Variants in CHID1 observed in about 807,000 individuals in gnomAD.
The protein encoded by CHID1 is chitinase domain-containing protein 1.
CHID1 carries 44 observed loss-of-function variants against 55.4 expected under a neutral mutation model. That is an observed-to-expected ratio of 0.79 (90% CI 0.62 to 1.02). The LOEUF is 1.02. Among genes scored for constraint, CHID1 ranks in the 50% least tolerant of loss-of-function variants. The pLI is 0.00. For missense variants in CHID1, 491 were observed against 515.3 expected (o/e 0.95, Z 0.46); for synonymous variants, 216 against 212.9 (o/e 1.01, Z -0.13).
At chr11:884,203 T>C in intron 8 of CHID1, 34 bp from the exon 9 acceptor site, 2 of 1,542,120 alleles carry the variant, frequency 1.3e-6, no homozygotes, top group Non-Finnish European at 1.8e-6. Context: ...CTCAGGCTGC[T>C]ATGCCCTGCC....
rs1455281031 is a variant in CHID1, at chr11:893,510, G to C, written c.618C>G (p.Ile206Met). 6.5e-7 allele frequency: 1 copy of C among 1,549,808 alleles called. No homozygotes were observed. The highest frequency in any genetic ancestry group is 1.2e-5 in the South Asian group (1 of 83,944). ...QLLSQKRVGLIHMLTHLAEAL... is the reference protein window; with the variant it reads ...QLLSQKRVGLMHMLTHLAEAL... ...CCTCGGCCAAGTGGGTGAGCATGTG[G>C]ATGAGGCCCCTGCAAGAACCGAGAG... is the stretch of plus-strand genomic sequence containing the variant. Residue 206 changes from isoleucine (I) to methionine (M), a missense_variant, in exon 8 of 13, where the codon ATC (isoleucine) becomes ATG (methionine). By Grantham distance (10) the Ile-to-Met change is conservative. Transcript: ENST00000323578.
At chr11:906,511 CA>C in intron 1 of CHID1, among the ~76,000 whole-genome samples, 1 of 152,262 alleles carries the variant, frequency 6.6e-6, no homozygotes, top group Middle Eastern at 3.4e-3. Flanking sequence ...CCACCGCGCC[CA>C]GCCATGGGGG....
At chr11:910,137 T>C (rs1852548710) in intron 1 of CHID1, among the ~76,000 whole-genome samples, 1 of 151,960 alleles carries the variant, frequency 6.6e-6, no homozygotes, top group African/African-American at 2.4e-5. Context: ...AAGAGATTAC[T>C]AGAGCCCAGG....
At chr11:873,223 C>G (rs571941028) in intron 10 of CHID1, among the ~76,000 whole-genome samples, 5 of 152,138 alleles carry the variant, frequency 3.3e-5, no homozygotes, top group African/African-American at 1.2e-4. Context: ...CAGCTGCAGG[C>G]ACAGCAGAGG....
intron 5 of CHID1, among the ~76,000 whole-genome samples, chr11:900,323 G>A (rs1033778966): frequency 4.6e-5 from 7 of 152,144 alleles, no homozygotes; most frequent in Admixed American, 6.5e-5. Context: ...GGGAAGGAGC[G>A]AGCAGACACT....
chr11:882,961 A>C, intron 10 of CHID1, 187 bp downstream of exon 10: 1 of 599,574 alleles, frequency 1.7e-6, no homozygotes, highest in Non-Finnish European at 2.9e-6. Flanking sequence ...ATGGGTGGTG[A>C]CCACAGTGGG....
chr11:907,455 T>G (rs939717751), intron 1 of CHID1, among the ~76,000 whole-genome samples: 1 of 151,640 alleles, frequency 6.6e-6, no homozygotes, highest in East Asian at 1.9e-4. Context: ...CACTCCAGCC[T>G]GGGCGACGGT....
chr11:891,921 T>C (rs1351080616), intron 8 of CHID1, among the ~76,000 whole-genome samples: 1 of 119,198 alleles, frequency 8.4e-6, no homozygotes, highest in Non-Finnish European at 1.6e-5. Context: ...CTGGGCAACA[T>C]GGCAAAACCT....
upstream of CHID1, chr11:910,914 G>GACTGGGC (rs1565212005): frequency 1.6e-5 from 14 of 891,182 alleles, no homozygotes; most frequent in Non-Finnish European, 1.9e-5. Flanking sequence ...CAGGACAGGG[G>GACTGGGC]ACTGGGCAGG....
intron 7 of CHID1, among the ~76,000 whole-genome samples, chr11:894,612 CCATCTGGGGAGG>C (rs1851120574): frequency 6.6e-6 from 1 of 152,202 alleles, no homozygotes; most frequent in Non-Finnish European, 1.5e-5. Flanking sequence ...GGGAGCAGCC[CCATCTGGGGAGG>C]AGACCCACCC....
intron 8 of CHID1, among the ~76,000 whole-genome samples, chr11:891,686 C>T (rs1257698204): frequency 6.6e-6 from 1 of 152,176 alleles, no homozygotes; most frequent in Non-Finnish European, 1.5e-5. Context: ...TGTCTGCTGC[C>T]CCGAGGAATC....
intron 12 of CHID1, 82 bp downstream of exon 12, chr11:870,039 C>T: frequency 6.2e-7 from 1 of 1,606,508 alleles, no homozygotes; most frequent in Non-Finnish European, 8.5e-7. Flanking sequence ...AGGGGCAGCA[C>T]CGCCTGGACC....
chr11:913,648 C>G (rs1400528080), upstream of CHID1, among the ~76,000 whole-genome samples: 1 of 151,852 alleles, frequency 6.6e-6, no homozygotes, highest in Non-Finnish European at 1.5e-5. Context: ...TGATATGCAC[C>G]TATAGTCCCA....
chr11:906,453 GGTCTCA>G (rs1852223009), intron 1 of CHID1, among the ~76,000 whole-genome samples: 2 of 152,102 alleles, frequency 1.3e-5, no homozygotes, highest in African/African-American at 4.8e-5. Flanking sequence ...TGGCCAGGTT[GGTCTCA>G]AGCTCCTGGC....
intron 10 of CHID1, 127 bp downstream of exon 10, chr11:883,021 T>C: frequency 9.3e-7 from 1 of 1,071,576 alleles, no homozygotes; most frequent in Non-Finnish European, 1.4e-6. Flanking sequence ...GCCCAGCCCC[T>C]ATCTCTGACT....
Position 884,082 on chromosome 11 carries a change from G to A in CHID1, c.789C>T (p.Tyr263=). The change falls in exon 9 of 13, where the codon TAC becomes TAT. Residue 263 remains tyrosine (Y), a synonymous_variant. Transcript: ENST00000323578. ...CCCACACTCACTGATGCGCTGTAGA[G>A]TAGTCGTAGGTCATGAGGCTGAAAC... ...LDGFSLMTYD[Y]STAHQPGPNA... The A allele has an allele frequency of 2.5e-6, 4 of 1,613,848 alleles. No homozygotes were observed. The highest frequency in any genetic ancestry group is 3.4e-6 in the Non-Finnish European group (4 of 1,179,718).
chr11:902,081 C>A, intron 4 of CHID1, 117 bp downstream of exon 4: 1 of 1,162,682 alleles, frequency 8.6e-7, no homozygotes, highest in Non-Finnish European at 1.2e-6. Flanking sequence ...CACACACACA[C>A]TCCCATACAG....
intron 2 of CHID1, among the ~76,000 whole-genome samples, chr11:904,122 C>T (rs1230614008): frequency 1.3e-5 from 2 of 152,246 alleles, no homozygotes; most frequent in Admixed American, 6.5e-5. Flanking sequence ...GACCTCGCCC[C>T]AAGCGGCCCC....
rs761878601 is a variant in CHID1 at position 870,475 on chromosome 11, G to A, written c.984C>T (p.His328=). ...GARYIQTLKD[H]RPRMVWDSQA... ...GGCTGTCCCACACCATCCGGGGCCTGTGGTCCTTCAGTGTCTGGATGTACC... is the reference window on the plus strand; with the variant it reads ...GGCTGTCCCACACCATCCGGGGCCTATGGTCCTTCAGTGTCTGGATGTACC... Residue 328 remains histidine, a synonymous_variant, in exon 11 of 13, where the codon CAC becomes CAT. Transcript: ENST00000323578. The A allele has an allele frequency of 6.2e-7, 1 of 1,611,576 alleles. No homozygotes were observed. Among genetic ancestry groups the A allele is most frequent in the Admixed American group, 1.7e-5 (1 of 59,880 alleles).
Sources: gnomAD v4.1 joint callset for allele counts (sites outside exome capture counted in the v4.1 genomes callset) on GRCh38, gnomAD v4.1.1 for gene constraint, MANE v1.5 for transcripts, NCBI Gene and HGNC (gene_info 2026-07-23, HGNC 2026-07-21) for gene names.